Variants in CD2AP observed in about 807,000 individuals in gnomAD.
The protein encoded by CD2AP is CD2-associated protein.
CD2AP carries 46 observed loss-of-function variants against 85.1 expected under a neutral mutation model. The observed-to-expected ratio is 0.54, with a 90% confidence interval of 0.43 to 0.69. The LOEUF is 0.69. Ranked by LOEUF, CD2AP falls within the 30% of genes least tolerant of loss-of-function variation. The pLI is 0.00. For synonymous variants in CD2AP, 255 were observed against 252.9 expected (o/e 1.01, Z -0.08); for missense variants, 769 against 729.5 (o/e 1.05, Z -0.62).
Position 47,616,399 on chromosome 6 carries a change from G to T in CD2AP, c.1878+3863G>T, listed in dbSNP as rs1203355348. On this transcript the variant is annotated intron_variant, in intron 17 of 17. Coordinates refer to ENST00000359314, the MANE Select transcript of CD2AP (RefSeq NM_012120.3). ...ATGAGCCACTGCACCTGGCCTTAAA[G>T]ATGTTTTTAACAGAAGCAACCAATC... Among the ~76,000 whole-genome samples, 7 of 152,234 alleles carry T rather than the reference G, an allele frequency of 4.6e-5. No homozygotes were observed. In the East Asian group the frequency reaches 1.2e-3, roughly 25 times the overall value.
intron 12 of CD2AP, among the ~76,000 whole-genome samples, chr6:47,596,562 A>G (rs1768955755): frequency 6.6e-6 from 1 of 152,022 alleles, no homozygotes; most frequent in Non-Finnish European, 1.5e-5. Context: ...CATCCTCCAG[A>G]TTCGTCGATG....
chr6:47,552,925 A>G (rs181234892), intron 4 of CD2AP, among the ~76,000 whole-genome samples: 12 of 152,056 alleles, frequency 7.9e-5, no homozygotes, highest in African/African-American at 2.9e-4. Context: ...TTAAGTTACT[A>G]TAGTTTTACT....
intron 5 of CD2AP, among the ~76,000 whole-genome samples, chr6:47,559,496 A>G (rs1033700468): frequency 6.6e-6 from 1 of 151,950 alleles, no homozygotes; most frequent in Non-Finnish European, 1.5e-5. Flanking sequence ...TCTTGGCTTC[A>G]AGCAGTTGAA....
chr6:47,540,642 A>G (rs1767191615), intron 3 of CD2AP, among the ~76,000 whole-genome samples: 1 of 152,156 alleles, frequency 6.6e-6, no homozygotes, highest in Non-Finnish European at 1.5e-5. Flanking sequence ...AGGAAGAAAT[A>G]AAGCTCTTGG....
At chr6:47,564,149 C>CAT (rs1205886668) in intron 5 of CD2AP, among the ~76,000 whole-genome samples, 6 of 152,126 alleles carry the variant, frequency 3.9e-5, no homozygotes, top group Non-Finnish European at 8.8e-5. Context: ...CATTAGAGAA[C>CAT]ATACATAAGT....
intron 5 of CD2AP, among the ~76,000 whole-genome samples, chr6:47,567,968 T>C (rs967371025): frequency 6.6e-6 from 1 of 152,088 alleles, no homozygotes; most frequent in African/African-American, 2.4e-5. Context: ...TTGAGAATGT[T>C]TTGATAATGA....
At chr6:47,536,325 A>G (rs1767043206) in intron 3 of CD2AP, among the ~76,000 whole-genome samples, 1 of 151,998 alleles carries the variant, frequency 6.6e-6, no homozygotes, top group African/African-American at 2.4e-5. Flanking sequence ...GTAGCAGGAT[A>G]CAACTAACCA....
chr6:47,534,397 C>T (rs1766970613), intron 3 of CD2AP, among the ~76,000 whole-genome samples: 2 of 152,184 alleles, frequency 1.3e-5, no homozygotes, highest in African/African-American at 4.8e-5. Flanking sequence ...AAAGAGCTTA[C>T]ATTCTTGGAA....
At chr6:47,534,874 G>A (rs115074734) in intron 3 of CD2AP, among the ~76,000 whole-genome samples, 230 of 150,688 alleles carry the variant, frequency 1.5e-3, no homozygotes, top group African/African-American at 5.3e-3. Flanking sequence ...AGCTCACTGC[G>A]GCCTTGACCT....
At chr6:47,553,697 T>G (rs1364927262) in intron 4 of CD2AP, among the ~76,000 whole-genome samples, 1 of 151,992 alleles carries the variant, frequency 6.6e-6, no homozygotes, top group African/African-American at 2.4e-5. Flanking sequence ...TGAGCACTCC[T>G]TAATATCCAT....
chr6:47,486,752 A>G (rs1765575223), intron 1 of CD2AP, among the ~76,000 whole-genome samples: 1 of 152,198 alleles, frequency 6.6e-6, no homozygotes, highest in Non-Finnish European at 1.5e-5. Flanking sequence ...TTTACCTAAC[A>G]TCTAGACTGA....
chr6:47,612,400 A>G (rs541759646), intron 16 of CD2AP, 73 bp from the exon 17 acceptor site: 23 of 1,103,628 alleles, frequency 2.1e-5, no homozygotes, highest in Middle Eastern at 2.4e-4. Flanking sequence ...TTAGGTAACA[A>G]AAAGCCTGTA....
At position 47,579,417 on chromosome 6, in the gene CD2AP, A is replaced by T. The variant is rs543532433; in HGVS notation, c.936A>T (p.Glu312Asp). ...GAGAAGCTGGCTGGTGGAGGGGCGA[A>T]CTTAATGGTAAAGAAGGAGTATTTC... Reference protein sequence around the residue: ...ETGEAGWWRGELNGKEGVFPD... With the variant: ...ETGEAGWWRGDLNGKEGVFPD... The change falls in exon 9 of 18, where the codon GAA becomes GAT. Residue 312 changes from glutamate to aspartate, a missense_variant. Glu to Asp is a conservative substitution (Grantham distance 45). Transcript: ENST00000359314. The T allele has an allele frequency of 4.3e-6, 7 of 1,613,196 alleles. No homozygotes were observed. In the South Asian group the frequency reaches 5.5e-5, roughly 13 times the overall value.
At chr6:47,526,833 G>A (rs1324713529) in intron 2 of CD2AP, among the ~76,000 whole-genome samples, 1 of 152,156 alleles carries the variant, frequency 6.6e-6, no homozygotes, top group East Asian at 1.9e-4. Flanking sequence ...TTATGAGGCA[G>A]ACAGGAGAAT....
At chr6:47,599,488 G>T (rs770548365) in intron 13 of CD2AP, 45 bp downstream of exon 13, 64 of 1,538,150 alleles carry the variant, frequency 4.2e-5, no homozygotes, top group Non-Finnish European at 1.9e-5. Context: ...AAAAAAAATT[G>T]TCAAAGAAAC....
Position 47,624,679 on chromosome 6 carries a change from C to CTGTGTGTGTGTGTG in CD2AP, c.*482_*495dup, listed in dbSNP as rs60486147. 6.3e-3 allele frequency: 768 copies of CTGTGTGTGTGTGTG among 121,338 alleles called. 1 individual carries two copies. Among genetic ancestry groups the CTGTGTGTGTGTGTG allele is most frequent in the African/African-American group, 0.01 (281 of 27,518 alleles). The allele number at this position is 121,338 out of a possible 1,614,324, so 7.5% of individuals were successfully genotyped here. A position where few individuals can be genotyped will look rare whatever the true frequency, so the allele number is the denominator to read the frequency against. On this transcript the variant is annotated 3_prime_UTR_variant, in exon 18 of 18. Transcript: ENST00000359314. ...CCATAATGCATAAGGGATATAAACT[C>CTGTGTGTGTGTGTG]TGTGTGTGTGTGTGTGTGTGTGTGT...
At chr6:47,549,724 T>C (rs944363862) in intron 4 of CD2AP, among the ~76,000 whole-genome samples, 1 of 152,042 alleles carries the variant, frequency 6.6e-6, no homozygotes, top group African/African-American at 2.4e-5. Context: ...AAAATTCATA[T>C]GGAACCAAAA....
At position 47,574,104 on chromosome 6, in the gene CD2AP, G is replaced by A. The variant is rs753380875; in HGVS notation, c.582G>A (p.Leu194=). 5.0e-6 allele frequency: 8 copies of A among 1,613,886 alleles called. No individual in the cohort carries two copies. The highest frequency in any genetic ancestry group is 6.8e-6 in the Non-Finnish European group (8 of 1,179,958). The change falls in exon 6 of 18, where the codon CTG becomes CTA. Residue 194 remains leucine (L), a synonymous_variant. Coordinates refer to ENST00000359314, the MANE Select transcript of CD2AP (RefSeq NM_012120.3). Reference sequence around the variant, plus strand: ...GGCCTACTTCACCTATACCTTCTCTGGGAAATGTGAGTGAAACTGCATCTG... The same window carrying A: ...GGCCTACTTCACCTATACCTTCTCTAGGAAATGTGAGTGAAACTGCATCTG... ...LAGPTSPIPS[L]GNVSETASGS...
intron 1 of CD2AP, among the ~76,000 whole-genome samples, chr6:47,502,574 A>C (rs1288189051): frequency 6.7e-6 from 1 of 150,318 alleles, no homozygotes; most frequent in African/African-American, 2.5e-5. Context: ...GCTCACTGCA[A>C]CCTCTGCCTC....
Sources: gnomAD v4.1 joint callset for allele counts (sites outside exome capture counted in the v4.1 genomes callset) on GRCh38, gnomAD v4.1.1 for gene constraint, MANE v1.5 for transcripts, NCBI Gene and HGNC (gene_info 2026-07-23, HGNC 2026-07-21) for gene names.